KHDRBS3: variants seen among roughly 807,000 people sequenced by gnomAD.
KHDRBS3 encodes KH RNA binding domain containing, signal transduction associated 3, also known as KH domain-containing, RNA-binding, signal transduction-associated protein 3.
In KHDRBS3, 23 loss-of-function variants were observed where a neutral mutation model predicts 45.6. The ratio of observed to expected loss-of-function variants is 0.50; its 90% CI spans 0.36 to 0.72. The LOEUF (loss-of-function observed/expected upper bound fraction) is 0.72. Ranked by LOEUF, KHDRBS3 falls within the 30% of genes least tolerant of loss-of-function variation. The probability of loss-of-function intolerance (pLI) is 0.00; values close to 1 mark genes in which losing one functional copy is unlikely to be tolerated. For missense variants in KHDRBS3, 352 were observed against 424.8 expected, an observed-to-expected ratio of 0.83 and a Z score of 1.51; for synonymous variants, 162 against 156.5, an observed-to-expected ratio of 1.04 and a Z score of -0.26.
At chr8:135,645,363 C>T (rs985083474) in intron 8 of KHDRBS3, among the ~76,000 whole-genome samples, 2 of 152,078 alleles carry the variant, frequency 1.3e-5, no homozygotes, top group African/African-American at 2.4e-5. Flanking sequence ...TTGAGTTGGT[C>T]GCCGTGTGCT....
chr8:135,605,309 T>C (rs1223502075), intron 6 of KHDRBS3, among the ~76,000 whole-genome samples: 1 of 152,108 alleles, frequency 6.6e-6, no homozygotes, highest in Admixed American at 6.5e-5. Context: ...AGGTCTCTGA[T>C]ACTCTGTTCA....
Position 135,548,713 on chromosome 8 carries a change from T to C in KHDRBS3, c.325-41T>C, listed in dbSNP as rs773881805. 3 of 1,405,442 alleles carry C rather than the reference T, an allele frequency of 2.1e-6. No individual in the cohort carries two copies. In the South Asian group the frequency reaches 4.7e-5, roughly 22 times the overall value. 87.1% of individuals were successfully genotyped at this position (1,405,442 alleles called of 1,614,324 possible). On this transcript the variant is annotated intron_variant, in intron 3 of 8. Coordinates refer to ENST00000355849, the MANE Select transcript of KHDRBS3 (RefSeq NM_006558.3). ...TTTATTTATCTTTCATTTCTTATAA[T>C]GACACGTTTTTAAATGTGATTTCTT...
intron 5 of KHDRBS3, among the ~76,000 whole-genome samples, chr8:135,558,844 A>G (rs1827025282): frequency 6.6e-6 from 1 of 152,090 alleles, no homozygotes; most frequent in Admixed American, 6.5e-5. Context: ...AGATGCCAAA[A>G]TCACTATCAC....
At chr8:135,601,443 G>A (rs1333116091) in intron 6 of KHDRBS3, among the ~76,000 whole-genome samples, 1 of 152,164 alleles carries the variant, frequency 6.6e-6, no homozygotes, top group Non-Finnish European at 1.5e-5. Context: ...TCTCATTTGA[G>A]CTTCACCTTG....
intron 1 of KHDRBS3, chr8:135,458,776 A>G: frequency 2.3e-6 from 1 of 441,502 alleles, no homozygotes; most frequent in South Asian, 1.6e-5. Flanking sequence ...GACTCCAGCC[A>G]GCTCAGGGTG....
intron 7 of KHDRBS3, among the ~76,000 whole-genome samples, chr8:135,635,160 G>T (rs926731159): frequency 6.6e-6 from 1 of 152,148 alleles, no homozygotes; most frequent in Non-Finnish European, 1.5e-5. Flanking sequence ...CCCATTGCTT[G>T]TAATCTATTT....
intron 6 of KHDRBS3, among the ~76,000 whole-genome samples, chr8:135,600,874 T>A (rs1269103667): frequency 1.3e-5 from 2 of 150,284 alleles, no homozygotes; most frequent in Admixed American, 6.6e-5. Context: ...AAGTTTTGTA[T>A]TTTTTTAGTA....
intron 1 of KHDRBS3, among the ~76,000 whole-genome samples, chr8:135,492,383 T>C (rs1366393331): frequency 6.6e-6 from 1 of 152,074 alleles, no homozygotes; most frequent in African/African-American, 2.4e-5. Context: ...GAGACAGCTT[T>C]ATGTCTGGAG....
At chr8:135,611,229 G>A (rs1448826148) in intron 7 of KHDRBS3, among the ~76,000 whole-genome samples, 1 of 151,852 alleles carries the variant, frequency 6.6e-6, no homozygotes, top group Non-Finnish European at 1.5e-5. Context: ...ATACTCTTGA[G>A]TGTTCATTTA....
intron 7 of KHDRBS3, among the ~76,000 whole-genome samples, chr8:135,619,425 A>G (rs975386721): frequency 1.3e-5 from 2 of 152,224 alleles, no homozygotes; most frequent in African/African-American, 4.8e-5. Context: ...GGAAAAAAAA[A>G]AACTATCCAT....
intron 1 of KHDRBS3, among the ~76,000 whole-genome samples, chr8:135,483,820 A>G (rs1357488178): frequency 6.6e-6 from 1 of 152,104 alleles, no homozygotes; most frequent in African/African-American, 2.4e-5. Flanking sequence ...CTCCCTATCT[A>G]GGGCTGTTGG....
At chr8:135,499,777 A>T (rs1823640956) in intron 1 of KHDRBS3, among the ~76,000 whole-genome samples, 1 of 151,910 alleles carries the variant, frequency 6.6e-6, no homozygotes, top group Non-Finnish European at 1.5e-5. Flanking sequence ...GTTGCTCTGA[A>T]TTTTTTTTGA....
rs1322749608 is a variant in KHDRBS3, at chr8:135,509,228, T to A, written c.89-12009T>A. Among the ~76,000 whole-genome samples the A allele has an allele frequency of 1.3e-5, 2 of 152,250 alleles. 1 individual carries two copies. The highest frequency in any genetic ancestry group is 2.9e-5 in the Non-Finnish European group (2 of 68,038). On this transcript the variant is annotated intron_variant, in intron 1 of 8. Coordinates refer to ENST00000355849, the MANE Select transcript of KHDRBS3 (RefSeq NM_006558.3). ...GTGAAACTTAATTTGTTTCATTGAC[T>A]TGTTTCTTGGAAGGTTTTATTTTGT...
intron 7 of KHDRBS3, among the ~76,000 whole-genome samples, chr8:135,624,024 G>A (rs1208831603): frequency 6.6e-6 from 1 of 152,150 alleles, no homozygotes; most frequent in East Asian, 1.9e-4. Context: ...TATATTTTCT[G>A]CAAAAGAAAA....
At chr8:135,510,913 C>A (rs1003042961) in intron 1 of KHDRBS3, among the ~76,000 whole-genome samples, 2 of 152,208 alleles carry the variant, frequency 1.3e-5, no homozygotes, top group Non-Finnish European at 2.9e-5. Flanking sequence ...CTCTTCCCCC[C>A]ACCTTTTTTA....
intron 5 of KHDRBS3, among the ~76,000 whole-genome samples, chr8:135,558,202 T>C (rs1342108362): frequency 1.3e-5 from 2 of 152,204 alleles, no homozygotes; most frequent in African/African-American, 4.8e-5. Flanking sequence ...CTGTGGCATC[T>C]GTAAATTCCT....
At chr8:135,589,354 A>T (rs1050340115) in intron 6 of KHDRBS3, among the ~76,000 whole-genome samples, 1 of 152,132 alleles carries the variant, frequency 6.6e-6, no homozygotes, top group Non-Finnish European at 1.5e-5. Flanking sequence ...AAATTCTAGA[A>T]GGATCTTAGT....
intron 2 of KHDRBS3, among the ~76,000 whole-genome samples, chr8:135,532,808 T>G (rs1247798545): frequency 6.6e-6 from 1 of 152,142 alleles, no homozygotes; most frequent in Non-Finnish European, 1.5e-5. Context: ...CATGGATTAG[T>G]ACAGTACCCT....
intron 6 of KHDRBS3, among the ~76,000 whole-genome samples, chr8:135,582,584 T>C (rs1586755966): frequency 6.6e-6 from 1 of 152,260 alleles, no homozygotes; most frequent in African/African-American, 2.4e-5. Context: ...AGCGATTCTT[T>C]GATATAATTC....
Sources: gnomAD v4.1 joint callset for allele counts (sites outside exome capture counted in the v4.1 genomes callset) on GRCh38, gnomAD v4.1.1 for gene constraint, MANE v1.5 for transcripts, NCBI Gene and HGNC (gene_info 2026-07-23, HGNC 2026-07-21) for gene names.